Variants in HEATR5A observed in about 807,000 individuals in gnomAD.
HEATR5A encodes HEAT repeat containing 5A.
A neutral mutation model predicts 218.8 loss-of-function variants in HEATR5A; 178 were observed. The ratio of observed to expected loss-of-function variants is 0.81; its 90% confidence interval spans 0.72 to 0.92. HEATR5A has a LOEUF of 0.92. Among genes scored for constraint, HEATR5A ranks in the 40% least tolerant of loss-of-function variants. HEATR5A has a pLI of 0.00. For synonymous variants in HEATR5A, 864 were observed against 871.6 expected (o/e 0.99, Z 0.15); for missense variants, 2,420 against 2,418.9 (o/e 1.00, Z -0.01).
chr14:31,416,128 T>G (rs2031437017), intron 1 of HEATR5A, among the ~76,000 whole-genome samples: 1 of 152,076 alleles, frequency 6.6e-6, no homozygotes, highest in Non-Finnish European at 1.5e-5. Flanking sequence ...TTTTTGTTTT[T>G]GTTTTTTGAG....
chr14:31,323,552 C>T lies in HEATR5A; in HGVS notation c.3787+13G>A, dbSNP rs760618388. The T allele has an allele frequency of 2.5e-6, 4 of 1,573,928 alleles. No homozygotes were observed. In the Admixed American group the frequency reaches 5.6e-5, roughly 22 times the overall value. ...CACATATCATTTGGTGTTTTCATCA[C>T]TATGTCACTTACTTCTTGAATCTCT... On this transcript the variant is annotated intron_variant, in intron 24 of 35. Transcript: ENST00000543095.
Position 31,323,707 on chromosome 14 carries a change from G to A in HEATR5A, c.3645C>T (p.Ser1215=). ...SVLTTRRDEK[S]HPFTNPRWAT... ...CCCATCGGGGATTGGTAAAAGGATG[G>A]GATTTTTCATCACGTCTGGTGGTCA... The change falls in exon 24 of 36, where the codon TCC becomes TCT. Residue 1215 remains serine (S), a synonymous_variant. Transcript: ENST00000543095. 1 of 1,613,586 alleles carries A rather than the reference G, an allele frequency of 6.2e-7. No individual in the cohort carries two copies.
chr14:31,394,539 G>GGT (rs2030574192), intron 5 of HEATR5A, among the ~76,000 whole-genome samples: 1 of 152,024 alleles, frequency 6.6e-6, no homozygotes, highest in Non-Finnish European at 1.5e-5. Context: ...ACTCTGGCTG[G>GGT]GCACGGAGGC....
intron 2 of HEATR5A, 41 bp from the exon 3 acceptor site, chr14:31,400,553 T>G (rs1457915999): frequency 3.8e-5 from 47 of 1,230,644 alleles, no homozygotes; most frequent in Non-Finnish European, 5.3e-5. Flanking sequence ...AAAGTCAATA[T>G]AATTATCTGT....
At chr14:31,360,037 T>A (rs1398580993) in intron 14 of HEATR5A, among the ~76,000 whole-genome samples, 2 of 86,812 alleles carry the variant, frequency 2.3e-5, no homozygotes, top group Admixed American at 1.7e-4. Flanking sequence ...CCTGCTATCA[T>A]AATCTCATGT....
At chr14:31,340,626 AT>A (rs900352990) in intron 21 of HEATR5A, 37 of 403,236 alleles carry the variant, frequency 9.2e-5, no homozygotes, top group African/African-American at 7.5e-4. Flanking sequence ...TTTGCCACAA[AT>A]ATTTTATTTT....
In HEATR5A at chr14:31,315,935, C is replaced by A; in HGVS notation, c.4053G>T (p.Trp1351Cys). ...GGTCACTTACAACTCCACTTGCTATCCAGGCACTGCAAACCTAGTTTTCAA... is the reference window on the plus strand; with the variant it reads ...GGTCACTTACAACTCCACTTGCTATACAGGCACTGCAAACCTAGTTTTCAA... ...TAKACQVCSAWIASGVVSDLN... is the reference protein window; with the variant it reads ...TAKACQVCSACIASGVVSDLN... The change falls in exon 27 of 36, where the codon TGG becomes TGT. Residue 1351 changes from tryptophan (W) to cysteine (C), a missense_variant. Coordinates refer to ENST00000543095, the MANE Select transcript of HEATR5A (RefSeq NM_015473.4). The A allele has an allele frequency of 1.9e-6, 3 of 1,551,316 alleles. No homozygotes were observed. Among genetic ancestry groups the A allele is most frequent in the Non-Finnish European group, 2.6e-6 (3 of 1,147,862 alleles).
chr14:31,332,326 C>A (rs1258444631), intron 22 of HEATR5A, among the ~76,000 whole-genome samples: 1 of 152,216 alleles, frequency 6.6e-6, no homozygotes, highest in Non-Finnish European at 1.5e-5. Context: ...CTGCTCCAAG[C>A]CATTTCTCTT....
chr14:31,296,353 CCATCTT>C (rs913190016), intron 33 of HEATR5A: 1 of 283,154 alleles, frequency 3.5e-6, no homozygotes, highest in African/African-American at 2.2e-5. Context: ...ACATCTAACT[CCATCTT>C]CAGTATTCTC....
In HEATR5A at chr14:31,381,239, A is replaced by C. The variant is rs575678033; in HGVS notation, c.1597-661T>G. ...ACTCCAGCCTGGGCAACAGAGTGAG[A>C]CTCAGTCTCAACAACAAAAAAAAGC... On this transcript the variant is annotated intron_variant, in intron 10 of 35. Coordinates refer to ENST00000543095, the MANE Select transcript of HEATR5A (RefSeq NM_015473.4). 3.3e-5 allele frequency among the ~76,000 whole-genome samples: 5 copies of C among 152,200 alleles called. No homozygotes were observed. In the South Asian group the frequency reaches 1.0e-3, roughly 32 times the overall value.
chr14:31,408,281 G>A (rs926755571), intron 1 of HEATR5A, among the ~76,000 whole-genome samples: 1 of 152,126 alleles, frequency 6.6e-6, no homozygotes, highest in Non-Finnish European at 1.5e-5. Flanking sequence ...ATATTACTAT[G>A]CTAGAGGTCA....
Position 31,345,190 on chromosome 14 carries a change from A to T in HEATR5A, c.2955T>A (p.Ile985=), listed in dbSNP as rs1235137459. The T allele has an allele frequency of 6.2e-7, 1 of 1,613,728 alleles. No individual in the cohort carries two copies. The highest frequency in any genetic ancestry group is 8.5e-7 in the Non-Finnish European group (1 of 1,179,630). The change falls in exon 20 of 36, where the codon ATT becomes ATA. Residue 985 remains isoleucine (I), a synonymous_variant. Coordinates refer to ENST00000543095, the MANE Select transcript of HEATR5A (RefSeq NM_015473.4). ...GAGGCACATTTAACAACAACATTAT[A>T]ATAAGAGAAAGGGTAGGTTCCACAT... The part of the protein sequence containing the change: ...YVHVEPTLSL[I]IMLLLNVPPT...
intron 11 of HEATR5A, among the ~76,000 whole-genome samples, chr14:31,376,765 A>G (rs1358392145): frequency 6.6e-6 from 1 of 152,234 alleles, no homozygotes; most frequent in African/African-American, 2.4e-5. Flanking sequence ...AAGGGAATGA[A>G]AAAAACAGAG....
At chr14:31,324,667 T>G (rs78080676) in intron 23 of HEATR5A, among the ~76,000 whole-genome samples, 5 of 144,834 alleles carry the variant, frequency 3.5e-5, no homozygotes, top group African/African-American at 1.3e-4. Flanking sequence ...AATCAGTCTA[T>G]GCACACATGT....
intron 21 of HEATR5A, chr14:31,340,340 G>C (rs1027113972): frequency 1.2e-5 from 6 of 513,868 alleles, no homozygotes; most frequent in African/African-American, 2.3e-5. Context: ...TTAATGGTTC[G>C]CTTAAAAAAA....
At chr14:31,403,657 T>A (rs192068087) in intron 1 of HEATR5A, among the ~76,000 whole-genome samples, 153 of 152,346 alleles carry the variant, frequency 1.0e-3, no homozygotes, top group Middle Eastern at 3.4e-3. Flanking sequence ...CAAACTTTTT[T>A]AAATGGGTAT....
Position 31,365,461 on chromosome 14 carries a change from A to T in HEATR5A, c.1962-1163T>A, listed in dbSNP as rs145365759. On this transcript the variant is annotated intron_variant, in intron 13 of 35. Transcript: ENST00000543095. ...CTGCAACCTCCGCCTCCTGGGTTCA[A>T]GTCATTTTCCTGCCTCAGCCTACTG... Among the ~76,000 whole-genome samples the T allele has an allele frequency of 8.9e-3, 1,347 of 152,004 alleles. 15 individuals carry two copies. Among genetic ancestry groups the T allele is most frequent in the Middle Eastern group, 0.014 (4 of 292 alleles).
At chr14:31,415,520 G>T (rs879609487) in intron 1 of HEATR5A, among the ~76,000 whole-genome samples, 3 of 152,292 alleles carry the variant, frequency 2.0e-5, no homozygotes, top group Admixed American at 2.0e-4. Flanking sequence ...ATCAGTTCAG[G>T]TCATGTTTTG....
intron 28 of HEATR5A, among the ~76,000 whole-genome samples, chr14:31,311,409 A>T (rs1566749723): frequency 2.0e-5 from 3 of 152,026 alleles, no homozygotes; most frequent in African/African-American, 7.2e-5. Flanking sequence ...GACTGATTAC[A>T]TTCTTTTAAT....
Sources: gnomAD v4.1 joint callset for allele counts (sites outside exome capture counted in the v4.1 genomes callset) on GRCh38, gnomAD v4.1.1 for gene constraint, MANE v1.5 for transcripts, NCBI Gene and HGNC (gene_info 2026-07-23, HGNC 2026-07-21) for gene names.